The following SS18 variants were observed in gnomAD, a reference collection of about 807,000 sequenced individuals.
SS18 encodes protein SSXT.
SS18 carries 28 observed loss-of-function variants against 72.5 expected under a neutral mutation model. That is an observed-to-expected ratio of 0.39 (90% CI 0.29 to 0.53). The LOEUF (loss-of-function observed/expected upper bound fraction) is 0.53. Ranked by LOEUF, SS18 falls within the 20% of genes least tolerant of loss-of-function variation. SS18 has a pLI of 0.76. For synonymous variants in SS18, 172 were observed against 164.2 expected, an observed-to-expected ratio of 1.05 and a Z score of -0.37; for missense variants, 518 against 535.3, an observed-to-expected ratio of 0.97 and a Z score of 0.32.
intron 5 of SS18, among the ~76,000 whole-genome samples, chr18:26,045,021 C>T (rs976454794): frequency 2.6e-5 from 4 of 152,146 alleles, no homozygotes; most frequent in Admixed American, 6.5e-5. Context: ...TCAGCAAATC[C>T]GCTCTACCTT....
At chr18:26,083,442 G>A (rs1352978418) in intron 2 of SS18, among the ~76,000 whole-genome samples, 1 of 152,076 alleles carries the variant, frequency 6.6e-6, no homozygotes, top group Non-Finnish European at 1.5e-5. Flanking sequence ...TGTGTTGTTA[G>A]GTGATTTCAT....
In SS18 at chr18:26,090,575, C is replaced by T. The variant is rs530820369; in HGVS notation, c.-6G>A. On this transcript the variant is annotated 5_prime_UTR_variant, in exon 1 of 11. Coordinates refer to ENST00000415083, the MANE Select transcript of SS18 (RefSeq NM_001007559.3). ...GCCGCGAAAGCCACAGACATGTTGC[C>T]GCCGTCACCACTATCGGCAAGTCCC... is the stretch of plus-strand genomic sequence containing the variant. The T allele has an allele frequency of 1.7e-5, 27 of 1,579,204 alleles. No homozygotes were observed. Among genetic ancestry groups the T allele is most frequent in the East Asian group, 2.4e-5 (1 of 42,196 alleles).
chr18:26,018,072 G>T lies in SS18; in HGVS notation c.*282C>A. On this transcript the variant is annotated 3_prime_UTR_variant, in exon 11 of 11. Transcript: ENST00000415083. ...CCTTTCAGTCTGTAACAGTCCATTT[G>T]AAACACAGTTCCAAAATCATTACAA... 1 of 332,108 alleles carries T rather than the reference G, an allele frequency of 3.0e-6. No individual in the cohort carries two copies. 20.6% of individuals were successfully genotyped at this position (332,108 alleles called of 1,614,324 possible). A position where few individuals can be genotyped will look rare whatever the true frequency, so the allele number is the denominator to read the frequency against.
chr18:26,080,606 T>G (rs2054500289), intron 2 of SS18, among the ~76,000 whole-genome samples: 1 of 152,242 alleles, frequency 6.6e-6, no homozygotes, highest in Non-Finnish European at 1.5e-5. Context: ...TGAAGTAGTT[T>G]CATTTTAAGA....
At chr18:26,068,569 A>T (rs902404349) in intron 3 of SS18, 4 of 152,224 alleles carry the variant, frequency 2.6e-5, no homozygotes, top group African/African-American at 9.6e-5. Context: ...TGTAAAAAGG[A>T]AACTCTGTAA....
intron 5 of SS18, among the ~76,000 whole-genome samples, chr18:26,051,914 T>C (rs2053930885): frequency 6.6e-6 from 1 of 152,180 alleles, no homozygotes; most frequent in South Asian, 2.1e-4. Flanking sequence ...ATTTTATAAA[T>C]CAAAATCTAG....
In SS18 at chr18:26,018,354, T is replaced by C; in HGVS notation, c.1257A>G (p.Ter419TrpextTer12). The change falls in exon 11 of 11, where the codon TGA (stop) becomes TGG (tryptophan). Residue 419 changes from the stop codon to tryptophan (W), a stop_lost. Transcript: ENST00000415083. ...TGGCTACTGGAATGTAAGTACTTTT[T>C]CACTGCTGGTAATTTCCATACTGTC... is the stretch of plus-strand genomic sequence containing the variant. ...DQGQYGNYQQ[*>W] 6.2e-7 allele frequency: 1 copy of C among 1,601,466 alleles called. No individual in the cohort carries two copies. The highest frequency in any genetic ancestry group is 1.1e-5 in the South Asian group (1 of 90,572).
intron 4 of SS18, among the ~76,000 whole-genome samples, chr18:26,053,294 T>C (rs1421667736): frequency 1.3e-5 from 2 of 152,194 alleles, no homozygotes; most frequent in Admixed American, 1.3e-4. Flanking sequence ...GGGAGCCATC[T>C]GGAAAAAACA....
At chr18:26,032,216 T>C (rs946628321) in intron 10 of SS18, among the ~76,000 whole-genome samples, 183 bp downstream of exon 10, 1 of 152,164 alleles carries the variant, frequency 6.6e-6, no homozygotes, top group East Asian at 1.9e-4. Flanking sequence ...GTAACTATGA[T>C]CAACTGTGTT....
intron 3 of SS18, among the ~76,000 whole-genome samples, chr18:26,071,211 G>A (rs1484730609): frequency 6.6e-6 from 1 of 152,136 alleles, no homozygotes; most frequent in Admixed American, 6.5e-5. Context: ...ACTGATGAAA[G>A]ACATGAACCT....
chr18:26,018,556 A>G (rs2053289122), intron 10 of SS18, among the ~76,000 whole-genome samples, 176 bp from the exon 11 acceptor site: 1 of 152,200 alleles, frequency 6.6e-6, no homozygotes, highest in African/African-American at 2.4e-5. Context: ...TTCTTCTGAT[A>G]TTATATTCAA....
At chr18:26,042,050 G>GA (rs1169116592) in intron 5 of SS18, among the ~76,000 whole-genome samples, 47 of 148,998 alleles carry the variant, frequency 3.2e-4, no homozygotes, top group Admixed American at 1.5e-3. Context: ...ATCCATTAAA[G>GA]AAAAAAAAAA....
intron 2 of SS18, among the ~76,000 whole-genome samples, chr18:26,084,724 C>A (rs2054587057): frequency 6.6e-6 from 1 of 152,088 alleles, no homozygotes; most frequent in Non-Finnish European, 1.5e-5. Context: ...GAGGGACATT[C>A]CACAAAACTA....
chr18:26,029,769 G>A (rs953731837), intron 10 of SS18, among the ~76,000 whole-genome samples: 5 of 152,102 alleles, frequency 3.3e-5, no homozygotes, highest in African/African-American at 9.7e-5. Context: ...CAGAATCTTC[G>A]TTAGTTTTCC....
At chr18:26,068,296 G>A (rs2054254623) in intron 3 of SS18, 2 of 152,088 alleles carry the variant, frequency 1.3e-5, no homozygotes, top group East Asian at 3.8e-4. Flanking sequence ...ACAAGGTACA[G>A]AACAGGGTAC....
chr18:26,045,788 T>G (rs2053809351), intron 5 of SS18, among the ~76,000 whole-genome samples: 2 of 152,140 alleles, frequency 1.3e-5, no homozygotes, highest in Admixed American at 1.3e-4. Flanking sequence ...TCCATGGCCT[T>G]TAAAATTTTG....
At chr18:26,052,590 C>A in intron 5 of SS18, 34 bp downstream of exon 5, 3 of 1,525,560 alleles carry the variant, frequency 2.0e-6, no homozygotes, top group Non-Finnish European at 2.7e-6. Context: ...GCTAATAGAG[C>A]ACTCTAGTCA....
intron 5 of SS18, among the ~76,000 whole-genome samples, chr18:26,045,224 GATC>G (rs1215452453): frequency 6.6e-6 from 1 of 152,096 alleles, no homozygotes; most frequent in Non-Finnish European, 1.5e-5. Flanking sequence ...CATATATTCA[GATC>G]ATGTTATTCC....
intron 3 of SS18, among the ~76,000 whole-genome samples, chr18:26,072,899 C>T (rs142948508): frequency 0.011 from 1,660 of 150,274 alleles, 18 homozygotes; most frequent in Middle Eastern, 0.041. Context: ...TCTCAGTAAT[C>T]GATAGAACAA....
Sources: allele counts gnomAD v4.1 joint callset (sites outside exome capture counted in the v4.1 genomes callset), GRCh38; gene constraint gnomAD v4.1.1; transcripts MANE v1.5; gene names NCBI Gene and HGNC (gene_info 2026-07-23, HGNC 2026-07-21).